The following CD6 variants were observed in gnomAD, a reference collection of about 807,000 sequenced individuals.
CD6 encodes T-cell differentiation antigen CD6.
CD6 carries 53 observed loss-of-function variants against 75.3 expected under a neutral mutation model. The observed-to-expected ratio is 0.70, with a 90% confidence interval of 0.56 to 0.88. The LOEUF (loss-of-function observed/expected upper bound fraction) is 0.88. CD6 is among the 40% of genes least tolerant of loss of function. The pLI, the probability that CD6 is intolerant of heterozygous loss-of-function variation, is 0.00. For missense variants in CD6, 770 were observed against 897.1 expected (o/e 0.86, Z 1.81); for synonymous variants, 359 against 381.5 (o/e 0.94, Z 0.69).
intron 1 of CD6, among the ~76,000 whole-genome samples, chr11:61,005,364 G>C (rs533663838): frequency 6.6e-5 from 10 of 152,130 alleles, no homozygotes; most frequent in Admixed American, 2.0e-4. Context: ...GACCTCACAG[G>C]GGGGGCCAGA....
At chr11:60,986,095 T>G (rs878945113) in intron 1 of CD6, among the ~76,000 whole-genome samples, 1 of 152,198 alleles carries the variant, frequency 6.6e-6, no homozygotes, top group Admixed American at 6.5e-5. Context: ...CTGCTCTCCA[T>G]TCTACTCACC....
chr11:61,017,541 T>G lies in CD6; in HGVS notation c.1573T>G (p.Leu525Val). 1 of 1,555,304 alleles carries G rather than the reference T, an allele frequency of 6.4e-7. No homozygotes were observed. Among genetic ancestry groups the G allele is most frequent in the Non-Finnish European group, 8.7e-7 (1 of 1,149,026 alleles). ...VQQSRFQMPP[L>V]EEGLEELHAS... ...GCAAAGCAGGTTCCAGATGCCACCCTTGGAGGAAGGTGAGTCAGGATGGGA... is the reference window on the plus strand; with the variant it reads ...GCAAAGCAGGTTCCAGATGCCACCCGTGGAGGAAGGTGAGTCAGGATGGGA... The change falls in exon 10 of 13, where the codon TTG (leucine) becomes GTG (valine). Residue 525 changes from leucine to valine, a missense_variant. By Grantham distance (32) the Leu-to-Val change is conservative. Coordinates refer to ENST00000313421, the MANE Select transcript of CD6 (RefSeq NM_006725.5).
At position 61,011,197 on chromosome 11, in the gene CD6, G is replaced by GTGTGTGTGTGTGTA. The variant is rs1859133286; in HGVS notation, c.1150+69_1150+70insGTGTGTATGTGTGT. On this transcript the variant is annotated intron_variant, in intron 6 of 12. Coordinates refer to ENST00000313421, the MANE Select transcript of CD6 (RefSeq NM_006725.5). ...CTTGGACGTGTGTGTGTGTGTGTGT[G>GTGTGTGTGTGTGTA]TGTGTGTTCCTGTGCACACCTGTGT... The GTGTGTGTGTGTGTA allele has an allele frequency of 8.3e-5, 111 of 1,342,980 alleles. 1 individual carries two copies. In the South Asian group the frequency reaches 1.3e-3, roughly 16 times the overall value. The allele number at this position is 1,342,980 out of a possible 1,614,324, so 83.2% of individuals were successfully genotyped here.
chr11:60,995,790 G>A (rs1179246212), intron 1 of CD6, among the ~76,000 whole-genome samples: 2 of 152,154 alleles, frequency 1.3e-5, no homozygotes, highest in Non-Finnish European at 2.9e-5. Context: ...CCCGGAGAAG[G>A]AAGGTTTCCT....
chr11:61,006,151 G>T (rs992239241), intron 1 of CD6, among the ~76,000 whole-genome samples: 7 of 152,020 alleles, frequency 4.6e-5, no homozygotes, highest in Non-Finnish European at 1.0e-4. Context: ...TCCCACTTTC[G>T]AGCTTTTTCT....
At chr11:60,989,436 C>T (rs1054852532) in intron 1 of CD6, 3 of 152,414 alleles carry the variant, frequency 2.0e-5, no homozygotes, top group African/African-American at 7.2e-5. Flanking sequence ...TTCCTGGACT[C>T]ACTCACCAGC....
chr11:61,006,697 C>T lies in CD6; in HGVS notation c.118+55C>T, dbSNP rs1858876685. 5.6e-6 allele frequency: 8 copies of T among 1,434,808 alleles called. No individual in the cohort carries two copies. In the Admixed American group the frequency reaches 5.7e-5, roughly 10 times the overall value. The allele number at this position is 1,434,808 out of a possible 1,614,324, so 88.9% of individuals were successfully genotyped here. A position where few individuals can be genotyped will look rare whatever the true frequency, so the allele number is the denominator to read the frequency against. Reference sequence around the variant, plus strand: ...GATCAGCTTTCTGTAGGTGGTCCCCCAGGGTAATAAAGAAGGGAAATGGAC... The same window carrying T: ...GATCAGCTTTCTGTAGGTGGTCCCCTAGGGTAATAAAGAAGGGAAATGGAC... On this transcript the variant is annotated intron_variant, in intron 2 of 12. Transcript: ENST00000313421.
Position 61,019,409 on chromosome 11 carries a change from A to C in CD6, c.*91A>C, listed in dbSNP as rs1590734161. 1.0e-6 allele frequency: 1 copy of C among 978,222 alleles called. No individual in the cohort carries two copies. Among genetic ancestry groups the C allele is most frequent in the Admixed American group, 2.3e-5 (1 of 42,932 alleles). The allele number at this position is 978,222 out of a possible 1,614,324, so 60.6% of individuals were successfully genotyped here. On this transcript the variant is annotated 3_prime_UTR_variant, in exon 13 of 13. Transcript: ENST00000313421. ...TTCCCCTTTCCCACCCTCCCAGCTC[A>C]CCTCCCCATGGAGCTGAGAGGCCTC...
At chr11:61,002,516 C>G (rs557016245) in intron 1 of CD6, among the ~76,000 whole-genome samples, 6 of 151,880 alleles carry the variant, frequency 4.0e-5, no homozygotes, top group Non-Finnish European at 5.9e-5. Flanking sequence ...GAGATCACGC[C>G]ACTGCACTCC....
At chr11:60,991,840 A>G (rs530820848) in intron 1 of CD6, among the ~76,000 whole-genome samples, 46 of 147,188 alleles carry the variant, frequency 3.1e-4, no homozygotes, top group African/African-American at 1.0e-3. Context: ...TTACTTATTT[A>G]TTTATTCATA....
At chr11:61,014,356 T>C (rs1859301933) in intron 8 of CD6, among the ~76,000 whole-genome samples, 1 of 152,252 alleles carries the variant, frequency 6.6e-6, no homozygotes, top group Non-Finnish European at 1.5e-5. Flanking sequence ...TCCCTATCAA[T>C]GTCCTGCCCA....
At chr11:61,013,231 G>T (rs1255659223) in intron 6 of CD6, among the ~76,000 whole-genome samples, 192 bp from the exon 7 acceptor site, 1 of 152,206 alleles carries the variant, frequency 6.6e-6, no homozygotes, top group African/African-American at 2.4e-5. Flanking sequence ...AATTGCTCAT[G>T]CATTCAATAT....
In CD6 at chr11:61,017,823, G is replaced by C; in HGVS notation, c.1647G>C (p.Pro549=). The change falls in exon 11 of 13, where the codon CCG becomes CCC. Residue 549 remains proline (P), a synonymous_variant. Transcript: ENST00000313421. ...ACCCTGGACACTGCATTACAGACCC[G>C]CCATCCCTGGGCCCTCAGTATCACC... The part of the protein sequence containing the change: ...TANPGHCITD[P]PSLGPQYHPR... 6.2e-7 allele frequency: 1 copy of C among 1,613,980 alleles called. No homozygotes were observed. The highest frequency in any genetic ancestry group is 1.3e-5 in the African/African-American group (1 of 74,958).
intron 1 of CD6, among the ~76,000 whole-genome samples, chr11:60,975,629 C>T (rs1010183214): frequency 5.3e-5 from 8 of 152,176 alleles, no homozygotes; most frequent in South Asian, 2.1e-4. Flanking sequence ...GGCAAAACCC[C>T]GTATCTCCAA....
intron 8 of CD6, chr11:61,015,493 C>T (rs1275924359): frequency 5.7e-6 from 3 of 524,926 alleles, no homozygotes; most frequent in Non-Finnish European, 6.8e-6. Flanking sequence ...ATCGCCTGAG[C>T]CCAGGAGGTC....
chr11:61,010,977 C>T lies in CD6; in HGVS notation c.1085-93C>T, dbSNP rs111475000. Reference sequence around the variant, plus strand: ...GGAGCACAACCCTAGTTCTGGGTCACTTGTCTGTCCCATTCAGTTTCTAAC... The same window carrying T: ...GGAGCACAACCCTAGTTCTGGGTCATTTGTCTGTCCCATTCAGTTTCTAAC... On this transcript the variant is annotated intron_variant, in intron 5 of 12. Transcript: ENST00000313421. 3.6e-3 allele frequency: 4,245 copies of T among 1,174,966 alleles called. 82 individuals are homozygous for T. The African/African-American group carries it at 0.05, about 14-fold the overall frequency. 72.8% of individuals were successfully genotyped at this position (1,174,966 alleles called of 1,614,324 possible).
At chr11:60,977,666 C>T (rs546498793) in intron 1 of CD6, among the ~76,000 whole-genome samples, 38 of 152,032 alleles carry the variant, frequency 2.5e-4, no homozygotes, top group African/African-American at 5.8e-4. Flanking sequence ...GATGGAGTCT[C>T]GCTCTGTCGC....
At chr11:61,018,476 C>T (rs1223536774) in intron 12 of CD6, 83 bp downstream of exon 12, 48 of 799,458 alleles carry the variant, frequency 6.0e-5, no homozygotes, top group Middle Eastern at 2.8e-4. Flanking sequence ...TGGATGCATT[C>T]GCTCAAGGGG....
intron 1 of CD6, among the ~76,000 whole-genome samples, chr11:60,980,285 C>A (rs368789491): frequency 5.3e-5 from 8 of 151,978 alleles, no homozygotes; most frequent in African/African-American, 1.7e-4. Context: ...GTTGGGAGGC[C>A]GAAGTCCAAG....
Sources: allele counts gnomAD v4.1 joint callset (sites outside exome capture counted in the v4.1 genomes callset), GRCh38; gene constraint gnomAD v4.1.1; transcripts MANE v1.5; gene names NCBI Gene and HGNC (gene_info 2026-07-23, HGNC 2026-07-21).